The following AVL9 variants were observed in gnomAD, a reference collection of about 807,000 sequenced individuals.
The protein encoded by AVL9 is AVL9 cell migration associated, also known as late secretory pathway protein AVL9 homolog.
Under a neutral mutation model 79.2 loss-of-function variants are expected in AVL9, and 49 were observed. The observed-to-expected ratio is 0.62, with a 90% CI of 0.49 to 0.79. The LOEUF (loss-of-function observed/expected upper bound fraction) is 0.79. AVL9 is among the 30% of genes least tolerant of loss of function. The pLI is 0.00. For missense variants in AVL9, 682 were observed against 776.8 expected, an observed-to-expected ratio of 0.88 and a Z score of 1.45; for synonymous variants, 299 against 280.6, an observed-to-expected ratio of 1.07 and a Z score of -0.65.
intron 7 of AVL9, 34 bp downstream of exon 7, chr7:32,553,801 A>G: frequency 3.9e-6 from 6 of 1,532,806 alleles, no homozygotes; most frequent in Non-Finnish European, 5.4e-6. Flanking sequence ...TTTATGATGT[A>G]CAGTACTAAA....
rs773583669 is a variant in AVL9 at position 32,583,974 on chromosome 7, G to T, written c.*67G>T. On this transcript the variant is annotated 3_prime_UTR_variant, in exon 16 of 16. Transcript: ENST00000318709. ...GTCCCCTGTCTGTCTGCTGCTCCCA[G>T]GCTGTTACTAGCCACAGATCCACAG... 10 of 1,139,004 alleles carry T rather than the reference G, an allele frequency of 8.8e-6. 1 individual carries two copies. In the Admixed American group the frequency reaches 1.6e-4, roughly 18 times the overall value. The allele number at this position is 1,139,004 out of a possible 1,614,324, so 70.6% of individuals were successfully genotyped here.
intron 1 of AVL9, among the ~76,000 whole-genome samples, chr7:32,516,636 T>C (rs985303116): frequency 6.6e-6 from 1 of 152,104 alleles, no homozygotes; most frequent in Non-Finnish European, 1.5e-5. Context: ...TAGGAGCTGG[T>C]CATTCCATGC....
At chr7:32,517,983 ACCATGCCTGG>A (rs1372494894) in intron 1 of AVL9, among the ~76,000 whole-genome samples, 3 of 152,028 alleles carry the variant, frequency 2.0e-5, no homozygotes, top group Non-Finnish European at 4.4e-5. Context: ...GGCATGTGCC[ACCATGCCTGG>A]CTAATTTTTT....
intron 1 of AVL9, among the ~76,000 whole-genome samples, chr7:32,518,416 A>G (rs1788001122): frequency 6.6e-6 from 1 of 152,218 alleles, no homozygotes; most frequent in East Asian, 1.9e-4. Flanking sequence ...AAAGTTAAAT[A>G]CATATTTCAT....
At chr7:32,565,869 G>C (rs1032663600) in intron 10 of AVL9, among the ~76,000 whole-genome samples, 1 of 151,980 alleles carries the variant, frequency 6.6e-6, no homozygotes, top group Non-Finnish European at 1.5e-5. Context: ...TTAGCTGGGC[G>C]TGGTGGCATA....
rs547773929 is a variant in AVL9 at position 32,512,472 on chromosome 7, C to T, written c.93+16670C>T. Among the ~76,000 whole-genome samples, 3 of 152,320 alleles carry T rather than the reference C, an allele frequency of 2.0e-5. No homozygotes were observed. The South Asian group carries it at 6.2e-4, about 32-fold the overall frequency. ...AGGCACAAAGCAGGTGGGACTAGAA[C>T]TTGGCCAGAAAGAGGGCTGGTGGGA... On this transcript the variant is annotated intron_variant, in intron 1 of 15. Transcript: ENST00000318709.
rs1458875045 is a variant in AVL9 at position 32,579,515 on chromosome 7, TATTATATATTA to T, written c.1689-703_1689-693del. 5.0e-4 allele frequency among the ~76,000 whole-genome samples: 2 copies of T among 4,008 alleles called. 1 individual carries two copies. Among genetic ancestry groups the T allele is most frequent in the African/African-American group, 2.0e-3 (2 of 1,004 alleles). The allele number at this position is 4,008 out of a possible 152,430, so 2.6% of individuals were successfully genotyped here. A position where few individuals can be genotyped will look rare whatever the true frequency, so the allele number is the denominator to read the frequency against. ...ATTACATATTATATATTATATATTA[TATTATATATTA>T]TATATTATATTATATATTATATATT... On this transcript the variant is annotated intron_variant, in intron 13 of 15. Coordinates refer to ENST00000318709, the MANE Select transcript of AVL9 (RefSeq NM_015060.3).
At chr7:32,583,393 G>A (rs1583617616) in intron 15 of AVL9, among the ~76,000 whole-genome samples, 2 of 152,314 alleles carry the variant, frequency 1.3e-5, no homozygotes, top group South Asian at 2.1e-4. Flanking sequence ...ATATTGATGT[G>A]TTCTAGTGAA....
In AVL9 at chr7:32,552,255, C is replaced by A; in HGVS notation, c.489C>A (p.Ser163=). ...AGCTTTATGAACATATGAATAGTTC[C>A]TTGGGAGGTGCTTCATTAGAAGGAT... ...LKELYEHMNS[S]LGGASLEGSQ... is the part of the protein sequence containing the mutation. Residue 163 remains serine, a synonymous_variant, in exon 6 of 16, where the codon TCC becomes TCA. Transcript: ENST00000318709. 1 of 1,603,484 alleles carries A rather than the reference C, an allele frequency of 6.2e-7. No individual in the cohort carries two copies. Among genetic ancestry groups the A allele is most frequent in the South Asian group, 1.1e-5 (1 of 90,626 alleles).
In AVL9 at chr7:32,553,738, C is replaced by T. The variant is rs149731136; in HGVS notation, c.541C>T (p.Arg181Ter). Residue 181 changes from arginine (R) to a stop codon, truncating the protein, a stop_gained, in exon 7 of 16, where the codon CGA (arginine) becomes TGA (stop). Transcript: ENST00000318709. LOFTEE classifies it high-confidence loss of function. ...TGTTAACATTGTAGGTCTGTCACCTCGAGATCTTGTCCTTCATTTTCGACA... is the reference window on the plus strand; with the variant it reads ...TGTTAACATTGTAGGTCTGTCACCTTGAGATCTTGTCCTTCATTTTCGACA... ...GSQVYLGLSP[R>*]DLVLHFRHKV... 4.3e-6 allele frequency: 7 copies of T among 1,609,268 alleles called. No homozygotes were observed. The highest frequency in any genetic ancestry group is 2.7e-5 in the African/African-American group (2 of 74,716).
At chr7:32,499,165 C>T (rs115551717) in intron 1 of AVL9, among the ~76,000 whole-genome samples, 1,654 of 151,788 alleles carry the variant, frequency 0.011, 36 homozygotes, top group African/African-American at 0.038. Flanking sequence ...TGTCTCAAAA[C>T]GAAACAAAAC....
rs1252376490 is a variant in AVL9 at position 32,588,592 on chromosome 7, CTGT to C, written c.*4690_*4692del. 2.6e-4 allele frequency: 40 copies of C among 152,104 alleles called. No individual in the cohort carries two copies. The highest frequency in any genetic ancestry group is 2.5e-3 in the Admixed American group (38 of 15,278). The allele number at this position is 152,104 out of a possible 1,614,324, so 9.4% of individuals were successfully genotyped here. On this transcript the variant is annotated 3_prime_UTR_variant, in exon 16 of 16. Coordinates refer to ENST00000318709, the MANE Select transcript of AVL9 (RefSeq NM_015060.3). ...TAAAGTTTGTACTAGTTCTTTATTTCTGTTGTTTTTTTAAATTGTTAAAATTAT... is the reference window on the plus strand; with the variant it reads ...TAAAGTTTGTACTAGTTCTTTATTTCTGTTTTTTTAAATTGTTAAAATTAT...
intron 1 of AVL9, among the ~76,000 whole-genome samples, chr7:32,521,076 G>A (rs1403877451): frequency 2.6e-5 from 4 of 151,996 alleles, no homozygotes; most frequent in African/African-American, 7.2e-5. Flanking sequence ...GGCCTCCCCA[G>A]CCATGTGGAA....
chr7:32,509,337 A>C (rs2044836), intron 1 of AVL9, among the ~76,000 whole-genome samples: 148,452 of 152,144 alleles, frequency 0.98, 72,512 homozygotes, highest in Middle Eastern at 1. Flanking sequence ...AAAACTCTGT[A>C]CCCTGTATCT....
rs796351504 is a variant in AVL9, at chr7:32,503,365, T to TACAC, written c.93+7564_93+7565insCACA. On this transcript the variant is annotated intron_variant, in intron 1 of 15. Coordinates refer to ENST00000318709, the MANE Select transcript of AVL9 (RefSeq NM_015060.3). ...ATATAGATATAGATATAGAGAGATA[T>TACAC]ATATATATACACACACACACACACA... 9.7e-3 allele frequency among the ~76,000 whole-genome samples: 994 copies of TACAC among 103,004 alleles called. 19 individuals carry two copies. The highest frequency in any genetic ancestry group is 0.026 in the African/African-American group (637 of 24,924). 67.6% of individuals were successfully genotyped at this position (103,004 alleles called of 152,430 possible). A position where few individuals can be genotyped will look rare whatever the true frequency, so the allele number is the denominator to read the frequency against.
intron 1 of AVL9, among the ~76,000 whole-genome samples, chr7:32,522,088 G>A (rs1025567453): frequency 6.6e-6 from 1 of 152,200 alleles, no homozygotes; most frequent in African/African-American, 2.4e-5. Context: ...TATGGGGTGG[G>A]GCCCTCATAG....
chr7:32,520,839 A>G (rs535272743), intron 1 of AVL9, among the ~76,000 whole-genome samples: 12 of 152,256 alleles, frequency 7.9e-5, no homozygotes, highest in African/African-American at 2.9e-4. Context: ...TCCCCACCCA[A>G]ATCTCAACTT....
chr7:32,525,471 T>C (rs1198534909), intron 1 of AVL9, among the ~76,000 whole-genome samples: 1 of 152,210 alleles, frequency 6.6e-6, no homozygotes, highest in African/African-American at 2.4e-5. Context: ...AGAACTTATT[T>C]TGCACACAAA....
chr7:32,572,468 C>G (rs1452139119), intron 11 of AVL9, among the ~76,000 whole-genome samples: 2 of 150,702 alleles, frequency 1.3e-5, no homozygotes, highest in Admixed American at 1.3e-4. Flanking sequence ...CTGTAAGTTA[C>G]ATGTATTTTT....
Sources: gnomAD v4.1 joint callset for allele counts (sites outside exome capture counted in the v4.1 genomes callset) on GRCh38, gnomAD v4.1.1 for gene constraint, MANE v1.5 for transcripts, NCBI Gene and HGNC (gene_info 2026-07-23, HGNC 2026-07-21) for gene names.